MAF: variants seen among roughly 807,000 people sequenced by gnomAD.
MAF encodes the protein MAF bZIP transcription factor.
In MAF, 10 loss-of-function variants were observed where a neutral mutation model predicts 22.0. That is an observed-to-expected ratio of 0.45 (90% CI 0.28 to 0.77). The LOEUF (loss-of-function observed/expected upper bound fraction) is 0.77. Among genes scored for constraint, MAF ranks in the 30% least tolerant of loss-of-function variants. MAF has a pLI of 0.12. For missense variants in MAF, 544 were observed against 548.4 expected (o/e 0.99, Z 0.08); for synonymous variants, 337 against 255.8 (o/e 1.32, Z -3.03).
the MAF span, among the ~76,000 whole-genome samples, chr16:79,206,932 G>A: frequency 3.2e-4 from 49 of 152,272 alleles, no homozygotes; most frequent in East Asian, 4.6e-3. Context: ...TGGCCTTTTG[G>A]AGCAGTTTGC....
chr16:79,599,940 C>A lies in MAF; in HGVS notation c.-38G>T. 6.3e-7 allele frequency: 1 copy of A among 1,597,952 alleles called. No homozygotes were observed. Among genetic ancestry groups the A allele is most frequent in the Non-Finnish European group, 8.5e-7 (1 of 1,179,330 alleles). On this transcript the variant is annotated 5_prime_UTR_variant, in exon 1 of 2. Transcript: ENST00000326043. ...GCCGCCGCCGCCGCCGCCGCTCCGC[C>A]AGATGGGCTGCAGGAGAGGGGCCAG...
At chr16:79,265,441 A>T in the MAF span, among the ~76,000 whole-genome samples, 1 of 152,124 alleles carries the variant, frequency 6.6e-6, no homozygotes, top group African/African-American at 2.4e-5. Flanking sequence ...AAGTGACTCT[A>T]AGGAAGAAAT....
chr16:79,365,145 G>A, the MAF span, among the ~76,000 whole-genome samples: 10 of 152,182 alleles, frequency 6.6e-5, no homozygotes, highest in African/African-American at 1.9e-4. Flanking sequence ...CCAAGGCACT[G>A]GAATTGTCTC....
At chr16:79,418,056 AAATCCTTGAC>A in the MAF span, among the ~76,000 whole-genome samples, 1 of 152,084 alleles carries the variant, frequency 6.6e-6, no homozygotes, top group South Asian at 2.1e-4. Context: ...AAGAAAAAGA[AAATCCTTGAC>A]CCTTTTTTAC....
At chr16:79,227,221 C>G in the MAF span, among the ~76,000 whole-genome samples, 2 of 152,130 alleles carry the variant, frequency 1.3e-5, no homozygotes, top group Middle Eastern at 3.4e-3. Flanking sequence ...CATGGCGGCA[C>G]ACACCTGTGG....
At chr16:79,494,043 ACTG>A in the MAF span, among the ~76,000 whole-genome samples, 1 of 152,042 alleles carries the variant, frequency 6.6e-6, no homozygotes, top group Admixed American at 6.6e-5. Flanking sequence ...AAATCTCTCC[ACTG>A]CTATTTCCAA....
the MAF span, among the ~76,000 whole-genome samples, chr16:79,373,057 T>A: frequency 6.6e-6 from 1 of 152,212 alleles, no homozygotes; most frequent in African/African-American, 2.4e-5. Flanking sequence ...TATTTTCATG[T>A]TAGCTGTTTT....
At chr16:79,447,891 C>CAAAAAAAAAAAAAA in the MAF span, among the ~76,000 whole-genome samples, 24 of 72,530 alleles carry the variant, frequency 3.3e-4, no homozygotes, top group African/African-American at 6.9e-4. Flanking sequence ...GATTCCATCT[C>CAAAAAAAAAAAAAA]AAAAAAAAAA....
chr16:79,302,061 C>A, the MAF span, among the ~76,000 whole-genome samples: 3 of 152,224 alleles, frequency 2.0e-5, no homozygotes, highest in Non-Finnish European at 4.4e-5. Context: ...CGCGGAGGGC[C>A]TGACTCTCAC....
chr16:79,245,550 G>C, the MAF span, among the ~76,000 whole-genome samples: 6 of 151,940 alleles, frequency 3.9e-5, no homozygotes, highest in Admixed American at 2.0e-4. Context: ...TAAAAAGTCA[G>C]GAAACAACAG....
chr16:79,318,730 C>T, the MAF span, among the ~76,000 whole-genome samples: 254 of 152,282 alleles, frequency 1.7e-3, no homozygotes, highest in Middle Eastern at 0.027. Context: ...CACCTGTTCC[C>T]TGAATATCAA....
the MAF span, among the ~76,000 whole-genome samples, chr16:79,504,189 A>C: frequency 6.6e-6 from 1 of 152,198 alleles, no homozygotes; most frequent in Non-Finnish European, 1.5e-5. Flanking sequence ...AAATACACTT[A>C]AGCTGAGATA....
the MAF span, among the ~76,000 whole-genome samples, chr16:79,520,035 C>A: frequency 6.6e-6 from 1 of 152,216 alleles, no homozygotes; most frequent in Non-Finnish European, 1.5e-5. Flanking sequence ...ATACCCCAAG[C>A]GTGTGCTGAC....
the MAF span, among the ~76,000 whole-genome samples, chr16:79,462,093 G>T: frequency 7.2e-5 from 11 of 152,120 alleles, no homozygotes; most frequent in African/African-American, 2.7e-4. Context: ...GCCTATCTGG[G>T]CCCATCAGCA....
chr16:79,431,775 A>G, the MAF span, among the ~76,000 whole-genome samples: 1 of 152,290 alleles, frequency 6.6e-6, no homozygotes, highest in South Asian at 2.1e-4. Context: ...GAGAAACATG[A>G]TTTTCTGGTA....
At chr16:79,306,299 T>A in the MAF span, among the ~76,000 whole-genome samples, 1 of 152,198 alleles carries the variant, frequency 6.6e-6, no homozygotes, top group African/African-American at 2.4e-5. Context: ...CTGCTTCTCA[T>A]GGCAAAATGG....
the MAF span, among the ~76,000 whole-genome samples, chr16:79,253,422 C>T: frequency 6.6e-6 from 1 of 152,134 alleles, no homozygotes; most frequent in Non-Finnish European, 1.5e-5. Context: ...TCAGTCTTAC[C>T]TTCAACTCCT....
At chr16:79,298,672 G>C in the MAF span, among the ~76,000 whole-genome samples, 1 of 152,200 alleles carries the variant, frequency 6.6e-6, no homozygotes, top group Non-Finnish European at 1.5e-5. Context: ...AAGAGCAAGT[G>C]CCAAGGTCAT....
chr16:79,359,006 A>C, the MAF span, among the ~76,000 whole-genome samples: 1 of 152,168 alleles, frequency 6.6e-6, no homozygotes, highest in Non-Finnish European at 1.5e-5. Flanking sequence ...CTCTCCACAA[A>C]ATGCATATTT....
Sources: gnomAD v4.1 joint callset for allele counts (sites outside exome capture counted in the v4.1 genomes callset) on GRCh38, gnomAD v4.1.1 for gene constraint, MANE v1.5 for transcripts, NCBI Gene and HGNC (gene_info 2026-07-23, HGNC 2026-07-21) for gene names.